The following IFT57 variants were observed in gnomAD, a reference collection of about 807,000 sequenced individuals.
The protein encoded by IFT57 is intraflagellar transport 57.
A neutral mutation model predicts 56.8 loss-of-function variants in IFT57; 59 were observed. The ratio of observed to expected loss-of-function variants is 1.04; its 90% CI spans 0.84 to 1.29. The LOEUF is 1.29. Among genes scored for constraint, IFT57 ranks in the 50% most tolerant of loss-of-function variants. The pLI, the probability that IFT57 is intolerant of heterozygous loss-of-function variation, is 0.00. For missense variants in IFT57, 470 were observed against 522.1 expected, an observed-to-expected ratio of 0.90 and a Z score of 0.97; for synonymous variants, 209 against 186.1, an observed-to-expected ratio of 1.12 and a Z score of -1.00.
At chr3:108,215,196 C>T (rs914489153) in intron 3 of IFT57, among the ~76,000 whole-genome samples, 12 of 151,752 alleles carry the variant, frequency 7.9e-5, no homozygotes, top group African/African-American at 4.8e-5. Context: ...TGTATTTGGG[C>T]TTATTTATGA....
At chr3:108,210,484 C>T (rs2080337943) in intron 4 of IFT57, among the ~76,000 whole-genome samples, 1 of 151,822 alleles carries the variant, frequency 6.6e-6, no homozygotes, top group Non-Finnish European at 1.5e-5. Flanking sequence ...CAGGCACACA[C>T]CACCACGCCT....
chr3:108,171,317 C>A (rs2080090815), intron 6 of IFT57, among the ~76,000 whole-genome samples: 1 of 151,826 alleles, frequency 6.6e-6, no homozygotes, highest in Non-Finnish European at 1.5e-5. Flanking sequence ...TATTGGTGCA[C>A]CTGGATAGAA....
chr3:108,192,742 T>C (rs1028804464), intron 5 of IFT57, among the ~76,000 whole-genome samples: 1 of 152,090 alleles, frequency 6.6e-6, no homozygotes, highest in Non-Finnish European at 1.5e-5. Context: ...GAATAATCTA[T>C]AAAAAGATAT....
chr3:108,209,665 G>A (rs531538467), intron 4 of IFT57, among the ~76,000 whole-genome samples: 94 of 152,280 alleles, frequency 6.2e-4, no homozygotes, highest in Non-Finnish European at 1.2e-3. Context: ...CCACTGAAGG[G>A]CTGAATAGAA....
rs1336850921 is a variant in IFT57, at chr3:108,162,583, C to T, written c.1184G>A (p.Gly395Asp). Residue 395 changes from glycine to aspartate, a missense_variant, in exon 11 of 11, where the codon GGC (glycine) becomes GAC (aspartate). Coordinates refer to ENST00000264538, the MANE Select transcript of IFT57 (RefSeq NM_018010.4). ...TTGGAGTAGTGTGTGTTCCACAATG[C>T]CAATTCTAATGTCCATCTCTACAGT... The part of the protein sequence containing the change: ...QETVEMDIRI[G>D]IVEHTLLQSK... The T allele has an allele frequency of 6.2e-7, 1 of 1,612,926 alleles. No homozygotes were observed. The highest frequency in any genetic ancestry group is 8.5e-7 in the Non-Finnish European group (1 of 1,179,248).
chr3:108,222,274 C>T lies in IFT57; in HGVS notation c.49G>A (p.Val17Met). The T allele has an allele frequency of 6.2e-7, 1 of 1,613,964 alleles. No homozygotes were observed. The highest frequency in any genetic ancestry group is 8.5e-7 in the Non-Finnish European group (1 of 1,179,996). The stretch of plus-strand genomic sequence containing the variant: ...GTCCCTTCGCCACGGGACCTAGGCA[C>T]CCCATCTTCCAAACCCGACGTCGTG... ...VVTTSGLEDG[V>M]PRSRGEGTGE... The change falls in exon 1 of 11, where the codon GTG (valine) becomes ATG (methionine). Residue 17 changes from valine (V) to methionine (M), a missense_variant. Physicochemically the swap from Val to Met is conservative, Grantham distance 21. Transcript: ENST00000264538.
At chr3:108,213,795 A>G (rs2080356494) in intron 4 of IFT57, 136 bp downstream of exon 4, 2 of 606,472 alleles carry the variant, frequency 3.3e-6, no homozygotes, top group African/African-American at 1.9e-5. Flanking sequence ...GATACTCAGC[A>G]CTGTATTTAA....
chr3:108,206,063 T>C (rs1560122628), intron 5 of IFT57, among the ~76,000 whole-genome samples: 2 of 105,478 alleles, frequency 1.9e-5, no homozygotes, highest in Non-Finnish European at 2.0e-5. Context: ...ATTATTTATA[T>C]ATAATAATAT....
chr3:108,219,925 G>C (rs535063019), intron 1 of IFT57, among the ~76,000 whole-genome samples: 18 of 152,174 alleles, frequency 1.2e-4, no homozygotes, highest in Non-Finnish European at 1.2e-4. Context: ...ATGGTAATCT[G>C]GAAGAACCTC....
At chr3:108,219,711 CCTTTG>C (rs760871743) in intron 1 of IFT57, 139 bp from the exon 2 acceptor site, 9 of 834,256 alleles carry the variant, frequency 1.1e-5, no homozygotes, top group Non-Finnish European at 1.7e-5. Flanking sequence ...GATAATTCAC[CCTTTG>C]AAGTTTCCAG....
chr3:108,214,428 T>C (rs554473362), intron 3 of IFT57, among the ~76,000 whole-genome samples: 5 of 152,178 alleles, frequency 3.3e-5, no homozygotes, highest in Non-Finnish European at 7.4e-5. Flanking sequence ...AAAGATCATC[T>C]TTGTACATTT....
chr3:108,189,879 T>C (rs561445833), intron 6 of IFT57, among the ~76,000 whole-genome samples: 7 of 150,446 alleles, frequency 4.7e-5, no homozygotes, highest in African/African-American at 1.7e-4. Flanking sequence ...CAAAGTAAAC[T>C]AAAGAAAATA....
chr3:108,185,068 T>G (rs1176811865), intron 6 of IFT57, among the ~76,000 whole-genome samples: 4 of 152,004 alleles, frequency 2.6e-5, no homozygotes, highest in African/African-American at 7.3e-5. Context: ...ATAAGAACCA[T>G]TATAAAAAAA....
intron 6 of IFT57, 21 bp from the exon 7 acceptor site, chr3:108,167,885 G>A (rs1464525410): frequency 3.3e-6 from 5 of 1,530,418 alleles, no homozygotes; most frequent in Non-Finnish European, 4.4e-6. Context: ...AGAGCACATA[G>A]AAATAATGTA....
intron 5 of IFT57, among the ~76,000 whole-genome samples, chr3:108,198,299 C>T (rs1237282616): frequency 6.6e-6 from 1 of 152,220 alleles, no homozygotes; most frequent in Non-Finnish European, 1.5e-5. Flanking sequence ...GTTCCCCACT[C>T]TGCTTTCTTG....
At chr3:108,185,143 A>G (rs541879051) in intron 6 of IFT57, among the ~76,000 whole-genome samples, 2 of 152,296 alleles carry the variant, frequency 1.3e-5, no homozygotes, top group South Asian at 4.1e-4. Context: ...CTTTTTGCAA[A>G]ATACTTTTTC....
At chr3:108,220,823 T>C (rs148030332) in intron 1 of IFT57, among the ~76,000 whole-genome samples, 1 of 152,114 alleles carries the variant, frequency 6.6e-6, no homozygotes, top group Non-Finnish European at 1.5e-5. Flanking sequence ...GGTCTGGTGA[T>C]CACATTTTGA....
intron 4 of IFT57, among the ~76,000 whole-genome samples, chr3:108,213,142 G>A (rs533184243): frequency 2.6e-5 from 4 of 152,154 alleles, no homozygotes; most frequent in African/African-American, 9.6e-5. Flanking sequence ...CAAAATATGT[G>A]TTAACTCTTT....
intron 2 of IFT57, among the ~76,000 whole-genome samples, chr3:108,219,114 G>A (rs1349395426): frequency 3.5e-5 from 2 of 57,684 alleles, no homozygotes; most frequent in Admixed American, 1.4e-4. Context: ...TGGCTTTGTA[G>A]GATTTTTTTT....
Sources: allele counts gnomAD v4.1 joint callset (sites outside exome capture counted in the v4.1 genomes callset), GRCh38; gene constraint gnomAD v4.1.1; transcripts MANE v1.5; gene names NCBI Gene and HGNC (gene_info 2026-07-23, HGNC 2026-07-21).